GPC3: variants seen among roughly 807,000 people sequenced by gnomAD.
GPC3 encodes the protein glypican 3, also known as glypican-3.
GPC3 carries 3 observed loss-of-function variants against 34.4 expected under a neutral mutation model. The ratio of observed to expected loss-of-function variants is 0.09; its 90% CI spans 0.04 to 0.23. The LOEUF (loss-of-function observed/expected upper bound fraction) is 0.23. Among genes scored for constraint, GPC3 ranks in the 10% least tolerant of loss-of-function variants. GPC3 has a pLI of 1.00. For missense variants in GPC3, 351 were observed against 445.6 expected (o/e 0.79, Z 1.91); for synonymous variants, 177 against 174.0 (o/e 1.02, Z -0.13).
chrX:133,902,585 T>G (rs1348971692), intron 2 of GPC3, among the ~76,000 whole-genome samples: 1 of 111,360 alleles, frequency 9.0e-6, no homozygotes, highest in Non-Finnish European at 1.9e-5. Flanking sequence ...TAGCCAGGCG[T>G]GGTGGTGCAC....
chrX:133,965,913 C>T (rs1336045245), intron 1 of GPC3, among the ~76,000 whole-genome samples: 1 of 110,678 alleles, frequency 9.0e-6, no homozygotes, highest in East Asian at 2.8e-4. Flanking sequence ...GAGAGGCAAC[C>T]CAGAACACCT....
At chrX:133,670,950 G>T in intron 5 of GPC3, 1 of 441,971 alleles carries the variant, frequency 2.3e-6, no homozygotes, top group South Asian at 3.8e-5. Flanking sequence ...CTCCCTGGCT[G>T]TCTGAGGATA....
At chrX:133,649,900 G>A (rs1310809452) in intron 6 of GPC3, among the ~76,000 whole-genome samples, 1 of 111,386 alleles carries the variant, frequency 9.0e-6, no homozygotes, top group Non-Finnish European at 1.9e-5. Context: ...TAGAGCCCAT[G>A]GTGTAGGTCT....
chrX:133,733,008 G>A (rs1357890860), intron 3 of GPC3, among the ~76,000 whole-genome samples: 2 of 111,018 alleles, frequency 1.8e-5, no homozygotes, highest in African/African-American at 3.3e-5. Flanking sequence ...GACCACAGGT[G>A]CACACCACCA....
At chrX:133,961,946 A>C (rs2076443358) in intron 1 of GPC3, among the ~76,000 whole-genome samples, 1 of 111,893 alleles carries the variant, frequency 8.9e-6, no homozygotes, top group Non-Finnish European at 1.9e-5. Context: ...TCTAAAGTAC[A>C]TATCTGATTA....
At position 133,954,569 on chromosome X, in the gene GPC3, T is replaced by A. The variant is rs925943244; in HGVS notation, c.176-1358A>T. On this transcript the variant is annotated intron_variant, in intron 1 of 7. Coordinates refer to ENST00000370818, the MANE Select transcript of GPC3 (RefSeq NM_004484.4). ...GGAGACTATTCTGTTTTGCATATGG[T>A]AGTCAGAGAAGGCATCTTCCATAAG... Among the ~76,000 whole-genome samples, 3 of 109,318 alleles carry A rather than the reference T, an allele frequency of 2.7e-5. No individual in the cohort carries two copies. The East Asian group carries it at 8.6e-4, about 31-fold the overall frequency. The allele number at this position is 109,318 out of a possible 115,157, so 94.9% of individuals were successfully genotyped here.
At chrX:133,890,599 T>G (rs1307985220) in intron 2 of GPC3, among the ~76,000 whole-genome samples, 1 of 110,322 alleles carries the variant, frequency 9.1e-6, no homozygotes, top group Non-Finnish European at 1.9e-5. Flanking sequence ...GGCTCATGCC[T>G]GTAATCCTAG....
chrX:133,675,723 G>A (rs771853203), intron 5 of GPC3, among the ~76,000 whole-genome samples: 1 of 112,111 alleles, frequency 8.9e-6, no homozygotes, highest in Non-Finnish European at 1.9e-5. Flanking sequence ...GCCCTTCGAG[G>A]TAAACCTGTC....
chrX:133,949,399 C>T (rs1189306216), intron 2 of GPC3, among the ~76,000 whole-genome samples: 1 of 111,148 alleles, frequency 9.0e-6, no homozygotes, highest in African/African-American at 3.3e-5. Flanking sequence ...TTGGATCCCC[C>T]CCTAGAAAGC....
chrX:133,781,554 A>T (rs771610201), intron 2 of GPC3, among the ~76,000 whole-genome samples: 71 of 112,476 alleles, frequency 6.3e-4, no homozygotes, highest in Non-Finnish European at 9.2e-4. Context: ...TTCCCTTTGC[A>T]AAGGTGAACT....
chrX:133,841,491 A>C (rs2075824433), intron 2 of GPC3, among the ~76,000 whole-genome samples: 1 of 110,240 alleles, frequency 9.1e-6, no homozygotes, highest in African/African-American at 3.3e-5. Flanking sequence ...TGTCAACTTC[A>C]TGTCAGATAT....
intron 2 of GPC3, among the ~76,000 whole-genome samples, chrX:133,795,626 T>C (rs1033469445): frequency 8.9e-6 from 1 of 112,192 alleles, no homozygotes; most frequent in African/African-American, 3.2e-5. Flanking sequence ...CTTGTGTATG[T>C]ATCTAAATAC....
chrX:133,829,020 A>G (rs1022784600), intron 2 of GPC3, among the ~76,000 whole-genome samples: 3 of 112,057 alleles, frequency 2.7e-5, no homozygotes, highest in African/African-American at 9.7e-5. Context: ...TAGGGAAACA[A>G]CAACAATAAA....
At chrX:133,843,317 T>G (rs2075833678) in intron 2 of GPC3, among the ~76,000 whole-genome samples, 1 of 111,598 alleles carries the variant, frequency 9.0e-6, no homozygotes, top group Non-Finnish European at 1.9e-5. Context: ...ACCATCTCCT[T>G]GGTTACAAGT....
At chrX:133,982,143 C>T (rs1004619401) in intron 1 of GPC3, among the ~76,000 whole-genome samples, 1 of 112,439 alleles carries the variant, frequency 8.9e-6, no homozygotes, top group African/African-American at 3.2e-5. Flanking sequence ...AGCTCACTTT[C>T]CTTGCCTAAA....
At chrX:133,606,220 T>C (rs2070049477) in intron 6 of GPC3, among the ~76,000 whole-genome samples, 1 of 112,057 alleles carries the variant, frequency 8.9e-6, no homozygotes, top group Non-Finnish European at 1.9e-5. Flanking sequence ...GAAATGGTTC[T>C]CTGTAGTTCT....
intron 6 of GPC3, among the ~76,000 whole-genome samples, chrX:133,651,176 CTTTTTTCT>C (rs1377554778): frequency 2.3e-4 from 25 of 110,331 alleles, no homozygotes; most frequent in Admixed American, 2.1e-3. Context: ...GAGTATTTTT[CTTTTTTCT>C]TTTTTTCTTT....
At chrX:133,956,987 A>C (rs1264398786) in intron 1 of GPC3, among the ~76,000 whole-genome samples, 1 of 111,890 alleles carries the variant, frequency 8.9e-6, no homozygotes, top group African/African-American at 3.2e-5. Flanking sequence ...GCCAAGTCTC[A>C]TCATTTTATA....
At chrX:133,580,362 C>T (rs2069721688) in intron 7 of GPC3, among the ~76,000 whole-genome samples, 1 of 111,441 alleles carries the variant, frequency 9.0e-6, no homozygotes, top group South Asian at 3.8e-4. Context: ...TTAGAAAGCC[C>T]CAGAGCTGAA....
Sources: allele counts gnomAD v4.1 joint callset (sites outside exome capture counted in the v4.1 genomes callset), GRCh38; gene constraint gnomAD v4.1.1; transcripts MANE v1.5; gene names NCBI Gene and HGNC (gene_info 2026-07-23, HGNC 2026-07-21).